CNTN4: variants seen among roughly 807,000 people sequenced by gnomAD.
CNTN4 encodes the protein contactin 4, also known as contactin-4.
In CNTN4, 77 loss-of-function variants were observed where a neutral mutation model predicts 122.5. That is an observed-to-expected ratio of 0.63 (90% CI 0.52 to 0.76). The LOEUF (loss-of-function observed/expected upper bound fraction) is 0.76. Ranked by LOEUF, CNTN4 falls within the 30% of genes least tolerant of loss-of-function variation. The pLI is 0.00. For synonymous variants in CNTN4, 512 were observed against 447.0 expected (o/e 1.15, Z -1.83); for missense variants, 1,256 against 1,259.1 (o/e 1.00, Z 0.04).
chr3:2,190,255 A>T (rs1337876499), intron 2 of CNTN4, among the ~76,000 whole-genome samples: 1 of 152,152 alleles, frequency 6.6e-6, no homozygotes, highest in Non-Finnish European at 1.5e-5. Context: ...CAGAAATGAC[A>T]AAAGTCAATC....
intron 4 of CNTN4, among the ~76,000 whole-genome samples, chr3:2,668,001 A>G (rs949808845): frequency 1.3e-5 from 2 of 152,046 alleles, no homozygotes; most frequent in African/African-American, 4.8e-5. Flanking sequence ...GTAGCCTTGT[A>G]GTATAGTTTG....
chr3:3,031,513 A>G (rs1471822820), intron 16 of CNTN4, among the ~76,000 whole-genome samples: 2 of 152,188 alleles, frequency 1.3e-5, no homozygotes, highest in Non-Finnish European at 2.9e-5. Context: ...CTGAGAGTTG[A>G]TGTAAATACT....
chr3:2,628,407 G>C (rs2082291411), intron 4 of CNTN4, among the ~76,000 whole-genome samples: 1 of 152,150 alleles, frequency 6.6e-6, no homozygotes, highest in Non-Finnish European at 1.5e-5. Flanking sequence ...GATCAACTTT[G>C]CTGTTCCACA....
At chr3:2,971,913 T>A (rs1158603063) in intron 13 of CNTN4, among the ~76,000 whole-genome samples, 2 of 152,228 alleles carry the variant, frequency 1.3e-5, no homozygotes, top group African/African-American at 4.8e-5. Context: ...AAGTGCACTT[T>A]ACATTATGTG....
chr3:2,425,421 T>A (rs1351531960), intron 3 of CNTN4, among the ~76,000 whole-genome samples: 3 of 152,172 alleles, frequency 2.0e-5, no homozygotes, highest in African/African-American at 7.2e-5. Flanking sequence ...TTCTGTTCCA[T>A]TGGTCTTCAT....
chr3:2,749,736 G>T (rs1299830595), intron 6 of CNTN4, among the ~76,000 whole-genome samples: 1 of 152,034 alleles, frequency 6.6e-6, no homozygotes, highest in Non-Finnish European at 1.5e-5. Flanking sequence ...TAATTTTCTG[G>T]AGTTTATCTT....
rs971636928 is a variant in CNTN4 at position 2,827,327 on chromosome 3, C to G, written c.454+7746C>G. ...ATTGAATTCATCTTTGTTCTGTAAACTTTTCAAATCTGTTATGAGGATGAA... is the reference window on the plus strand; with the variant it reads ...ATTGAATTCATCTTTGTTCTGTAAAGTTTTCAAATCTGTTATGAGGATGAA... On this transcript the variant is annotated intron_variant, in intron 7 of 24. Coordinates refer to ENST00000418658, the MANE Select transcript of CNTN4 (RefSeq NM_175607.3). 4.6e-5 allele frequency among the ~76,000 whole-genome samples: 7 copies of G among 152,296 alleles called. No individual in the cohort carries two copies. In the South Asian group the frequency reaches 1.2e-3, roughly 27 times the overall value.
At chr3:2,859,276 A>T (rs978710557) in intron 7 of CNTN4, among the ~76,000 whole-genome samples, 10 of 152,212 alleles carry the variant, frequency 6.6e-5, no homozygotes, top group African/African-American at 2.4e-4. Context: ...CACTGTGTAT[A>T]TATATCACAT....
intron 2 of CNTN4, among the ~76,000 whole-genome samples, chr3:2,263,524 T>A (rs1237924868): frequency 3.3e-5 from 5 of 152,144 alleles, no homozygotes. Context: ...TTACATATTC[T>A]TGGAGTGCAT....
intron 2 of CNTN4, among the ~76,000 whole-genome samples, chr3:2,255,646 G>T (rs1169444015): frequency 6.6e-6 from 1 of 152,054 alleles, no homozygotes; most frequent in Non-Finnish European, 1.5e-5. Context: ...ACTCAAAACC[G>T]CACAACTACA....
At chr3:2,247,717 C>A (rs1309378359) in intron 2 of CNTN4, among the ~76,000 whole-genome samples, 1 of 151,918 alleles carries the variant, frequency 6.6e-6, no homozygotes, top group East Asian at 1.9e-4. Flanking sequence ...TTATTCTTGG[C>A]TTTACAGTGT....
chr3:2,109,072 T>G (rs933124563), intron 2 of CNTN4, among the ~76,000 whole-genome samples: 2 of 152,336 alleles, frequency 1.3e-5, no homozygotes, highest in East Asian at 3.9e-4. Context: ...TCTTTGAAAC[T>G]TGAAAAAGCT....
intron 4 of CNTN4, among the ~76,000 whole-genome samples, chr3:2,635,262 T>C (rs951008889): frequency 5.3e-5 from 8 of 152,134 alleles, no homozygotes; most frequent in African/African-American, 1.4e-4. Context: ...CAAAGAAAGA[T>C]AAAAGTAAAG....
At chr3:2,198,670 C>T (rs1267145985) in intron 2 of CNTN4, among the ~76,000 whole-genome samples, 1 of 152,128 alleles carries the variant, frequency 6.6e-6, no homozygotes, top group Non-Finnish European at 1.5e-5. Flanking sequence ...CTCCCTTCCC[C>T]ATCATCAGGG....
intron 6 of CNTN4, among the ~76,000 whole-genome samples, chr3:2,793,786 A>G (rs1461053916): frequency 6.6e-6 from 1 of 152,208 alleles, no homozygotes; most frequent in Non-Finnish European, 1.5e-5. Flanking sequence ...GTTACTGACT[A>G]CAGAATAAGG....
chr3:2,164,346 A>G (rs1447461672), intron 2 of CNTN4, among the ~76,000 whole-genome samples: 2 of 152,174 alleles, frequency 1.3e-5, no homozygotes, highest in East Asian at 1.9e-4. Flanking sequence ...AACTGTAAGT[A>G]AAAAAGAGGT....
chr3:3,009,729 G>A (rs538276224), intron 14 of CNTN4, among the ~76,000 whole-genome samples: 8 of 152,274 alleles, frequency 5.3e-5, no homozygotes, highest in East Asian at 3.9e-4. Context: ...CACCGCGCCC[G>A]GCCAGCATTT....
chr3:2,381,196 T>A (rs1041616019), intron 3 of CNTN4, among the ~76,000 whole-genome samples: 1 of 151,654 alleles, frequency 6.6e-6, no homozygotes, highest in African/African-American at 2.4e-5. Context: ...TTAGTAGAGA[T>A]GGGGTTTCAC....
chr3:2,909,587 A>G (rs1253411024), intron 12 of CNTN4, among the ~76,000 whole-genome samples: 1 of 152,190 alleles, frequency 6.6e-6, no homozygotes, highest in African/African-American at 2.4e-5. Context: ...CAACTAATTC[A>G]GTCTCTGATC....
Sources: gnomAD v4.1 joint callset for allele counts (sites outside exome capture counted in the v4.1 genomes callset) on GRCh38, gnomAD v4.1.1 for gene constraint, MANE v1.5 for transcripts, NCBI Gene and HGNC (gene_info 2026-07-23, HGNC 2026-07-21) for gene names.